The following MAGT1 variants were observed in gnomAD, a reference collection of about 807,000 sequenced individuals.
MAGT1 encodes the protein dolichyl-diphosphooligosaccharide--protein glycosyltransferase subunit MAGT1.
MAGT1 carries 4 observed loss-of-function variants against 28.4 expected under a neutral mutation model. The observed-to-expected ratio is 0.14, with a 90% CI of 0.07 to 0.32. The LOEUF (loss-of-function observed/expected upper bound fraction) is 0.32, where lower values mean the gene tolerates loss of function less well. MAGT1 is among the 10% of genes least tolerant of loss of function. The pLI, the probability that MAGT1 is intolerant of heterozygous loss-of-function variation, is 1.00. For missense variants in MAGT1, 193 were observed against 264.5 expected (o/e 0.73, Z 1.88); for synonymous variants, 89 against 89.7 (o/e 0.99, Z 0.04).
Position 77,856,736 on chromosome X carries a change from A to C in MAGT1, c.669T>G (p.Ala223=). The change falls in exon 5 of 10, where the codon GCT becomes GCG. Residue 223 remains alanine (A), a synonymous_variant. Coordinates refer to ENST00000618282, the MANE Select transcript of MAGT1 (RefSeq NM_001367916.1). ...TTGTCTTCTGAAATTCACTCACCAAAGCTGCAAAAGCCCATCCAGTTTTAT... is the reference window on the plus strand; with the variant it reads ...TTGTCTTCTGAAATTCACTCACCAACGCTGCAAAAGCCCATCCAGTTTTAT... ...LFNKTGWAFA[A]LCFVLAMTSG... is the part of the protein sequence containing the mutation. 1 of 1,209,133 alleles carries C rather than the reference A, an allele frequency of 8.3e-7. No homozygotes were observed. The highest frequency in any genetic ancestry group is 1.1e-6 in the Non-Finnish European group (1 of 893,463).
intron 1 of MAGT1, among the ~76,000 whole-genome samples, chrX:77,889,013 TCACC>T (rs1334316148): frequency 2.7e-5 from 3 of 109,133 alleles, no homozygotes; most frequent in Non-Finnish European, 5.7e-5. Context: ...TCTGGCTCTG[TCACC>T]CAGGCTGGAG....
intron 1 of MAGT1, among the ~76,000 whole-genome samples, chrX:77,891,952 C>A (rs1603365646): frequency 1.9e-5 from 2 of 104,643 alleles, no homozygotes; most frequent in South Asian, 7.9e-4. Flanking sequence ...TATATGCACA[C>A]TTTTTTTTTT....
chrX:77,869,938 A>C (rs1190855720), intron 3 of MAGT1, among the ~76,000 whole-genome samples: 1 of 112,078 alleles, frequency 8.9e-6, no homozygotes, highest in African/African-American at 3.2e-5. Context: ...TATGAAAAAG[A>C]CACATACACA....
In MAGT1 at chrX:77,868,307, T is replaced by C. The variant is rs894102255; in HGVS notation, c.390+2501A>G. Reference sequence around the variant, plus strand: ...AAAATTGAATCTATGTCCTTAAGTATTTATATGCAAGGGGAAAGAACTAGT... The same window carrying C: ...AAAATTGAATCTATGTCCTTAAGTACTTATATGCAAGGGGAAAGAACTAGT... On this transcript the variant is annotated intron_variant, in intron 3 of 9. Coordinates refer to ENST00000618282, the MANE Select transcript of MAGT1 (RefSeq NM_001367916.1). 4.6e-4 allele frequency: 31 copies of C among 66,812 alleles called. 4 individuals carry two copies. The highest frequency in any genetic ancestry group is 1.1e-3 in the African/African-American group (31 of 28,755). The allele number at this position is 66,812 out of a possible 1,213,427, so 5.5% of individuals were successfully genotyped here. A position where few individuals can be genotyped will look rare whatever the true frequency, so the allele number is the denominator to read the frequency against.
At chrX:77,846,583 G>A (rs2076952199) in intron 7 of MAGT1, among the ~76,000 whole-genome samples, 1 of 111,829 alleles carries the variant, frequency 8.9e-6, no homozygotes, top group Non-Finnish European at 1.9e-5. Flanking sequence ...TTTGGTCTTT[G>A]ATGATGGTGA....
At chrX:77,831,313 GGC>G (rs2076898075) in intron 8 of MAGT1, among the ~76,000 whole-genome samples, 1 of 111,186 alleles carries the variant, frequency 9.0e-6, no homozygotes, top group Non-Finnish European at 1.9e-5. Flanking sequence ...CACCATGCCC[GGC>G]CTGGCAGTCT....
At chrX:77,876,258 C>T (rs1375342394) in intron 1 of MAGT1, among the ~76,000 whole-genome samples, 1 of 100,057 alleles carries the variant, frequency 1.0e-5, no homozygotes, top group African/African-American at 3.7e-5. Flanking sequence ...CCTCCCAACT[C>T]AGCCTCCCAA....
chrX:77,879,892 G>A (rs1343107577), intron 1 of MAGT1, among the ~76,000 whole-genome samples: 5 of 92,428 alleles, frequency 5.4e-5, no homozygotes, highest in Non-Finnish European at 1.0e-4. Context: ...AGGCTGAAGT[G>A]CGATGGCATG....
At position 77,868,063 on chromosome X, in the gene MAGT1, CAAA is replaced by C. The variant is rs1313760975; in HGVS notation, c.390+2742_390+2744del. ...ACGTTGTACAAGAAGATGAAGATGA[CAAA>C]GAAGTGTCATTAATGATACAGAACA... On this transcript the variant is annotated intron_variant, in intron 3 of 9. Transcript: ENST00000618282. The C allele has an allele frequency of 3.0e-5, 2 of 65,737 alleles. 1 individual carries two copies. The highest frequency in any genetic ancestry group is 8.2e-5 in the Non-Finnish European group (2 of 24,421). The allele number at this position is 65,737 out of a possible 1,213,427, so 5.4% of individuals were successfully genotyped here.
rs1557216053 is a variant in MAGT1, at chrX:77,856,914, T to G, written c.532-41A>C. ...GAAAAACATGTTAAAGTATAAAATT[T>G]TTTTACTAATTATATGGGTCAAAAT... is the stretch of plus-strand genomic sequence containing the variant. On this transcript the variant is annotated intron_variant, in intron 4 of 9. Coordinates refer to ENST00000618282, the MANE Select transcript of MAGT1 (RefSeq NM_001367916.1). The G allele has an allele frequency of 3.6e-6, 4 of 1,098,712 alleles. No individual in the cohort carries two copies. In the Admixed American group the frequency reaches 9.2e-5, roughly 25 times the overall value. The allele number at this position is 1,098,712 out of a possible 1,213,427, so 90.5% of individuals were successfully genotyped here.
intron 5 of MAGT1, chrX:77,856,501 T>C: frequency 2.9e-6 from 1 of 342,266 alleles, no homozygotes; most frequent in Non-Finnish European, 5.2e-6. Flanking sequence ...GATGACAGTC[T>C]GTCATTTAGG....
At chrX:77,871,347 A>G (rs975462212) in intron 2 of MAGT1, among the ~76,000 whole-genome samples, 4 of 112,731 alleles carry the variant, frequency 3.5e-5, no homozygotes, top group Admixed American at 9.5e-5. Context: ...TTAAAAATCT[A>G]AAGTGCAAAA....
chrX:77,858,199 G>C (rs1405670329), intron 3 of MAGT1, among the ~76,000 whole-genome samples: 1 of 110,789 alleles, frequency 9.0e-6, no homozygotes, highest in African/African-American at 3.3e-5. Flanking sequence ...TTATTTATTT[G>C]TTTATTTTTG....
intron 3 of MAGT1, 143 bp downstream of exon 3, chrX:77,870,665 C>A: frequency 2.2e-6 from 1 of 457,061 alleles, no homozygotes; most frequent in Non-Finnish European, 3.8e-6. Flanking sequence ...TTATGGTTAG[C>A]TCAAGTTTAA....
intron 7 of MAGT1, among the ~76,000 whole-genome samples, chrX:77,852,257 A>G (rs1259497902): frequency 1.8e-5 from 2 of 112,470 alleles, no homozygotes; most frequent in Non-Finnish European, 3.7e-5. Flanking sequence ...CTTTCAGCCC[A>G]CCATTTCATG....
intron 1 of MAGT1, among the ~76,000 whole-genome samples, chrX:77,882,439 A>C (rs2077055250): frequency 1.8e-5 from 2 of 111,961 alleles, no homozygotes. Flanking sequence ...AGCAAATACA[A>C]ATATGATTTG....
At chrX:77,890,871 T>A (rs975635844) in intron 1 of MAGT1, among the ~76,000 whole-genome samples, 1 of 111,230 alleles carries the variant, frequency 9.0e-6, no homozygotes, top group Non-Finnish European at 1.9e-5. Flanking sequence ...TTAAAGCATA[T>A]CCTCTTTAAA....
At chrX:77,875,663 G>A in intron 1 of MAGT1, 66 bp from the exon 2 acceptor site, 1 of 1,090,642 alleles carries the variant, frequency 9.2e-7, no homozygotes, top group Non-Finnish European at 1.3e-6. Context: ...CTTTTAATGA[G>A]GCAGCTTACT....
At chrX:77,875,731 T>C (rs1557217747) in intron 1 of MAGT1, 134 bp from the exon 2 acceptor site, 2 of 548,474 alleles carry the variant, frequency 3.6e-6, no homozygotes, top group African/African-American at 2.3e-5. Flanking sequence ...AAGCCAAAAT[T>C]TGGTAGTTGG....
Sources: gnomAD v4.1 joint callset for allele counts (sites outside exome capture counted in the v4.1 genomes callset) on GRCh38, gnomAD v4.1.1 for gene constraint, MANE v1.5 for transcripts, NCBI Gene and HGNC (gene_info 2026-07-23, HGNC 2026-07-21) for gene names.